Variants in NCKAP5 observed in about 807,000 individuals in gnomAD.
NCKAP5 encodes nck-associated protein 5.
Under a neutral mutation model 167.0 loss-of-function variants are expected in NCKAP5, and 92 were observed. The observed-to-expected ratio is 0.55, with a 90% CI of 0.47 to 0.66. The LOEUF (loss-of-function observed/expected upper bound fraction) is 0.66, where lower values mean the gene tolerates loss of function less well. NCKAP5 is among the 30% of genes least tolerant of loss of function. The pLI is 0.00. For synonymous variants in NCKAP5, 891 were observed against 877.4 expected (o/e 1.02, Z -0.27); for missense variants, 2,378 against 2,315.0 (o/e 1.03, Z -0.56).
rs1420100728 is a variant in NCKAP5, at chr2:132,672,106, GTC to G, written c.*1181_*1182del. ...TAGAATTTATCCTTACATATAAACA[GTC>G]TTTGTAGAAAAAAAAGGATATTAAA... On this transcript the variant is annotated 3_prime_UTR_variant, in exon 20 of 20. Transcript: ENST00000409261. 10 of 152,542 alleles carry G rather than the reference GTC, an allele frequency of 6.6e-5. No homozygotes were observed. Among genetic ancestry groups the G allele is most frequent in the Non-Finnish European group, 8.8e-5 (6 of 67,996 alleles). 9.4% of individuals were successfully genotyped at this position (152,542 alleles called of 1,614,324 possible).
At chr2:132,715,870 C>T (rs1297417592) in intron 19 of NCKAP5, among the ~76,000 whole-genome samples, 1 of 152,184 alleles carries the variant, frequency 6.6e-6, no homozygotes, top group East Asian at 1.9e-4. Context: ...TGCCTGCTGT[C>T]ATATTTTGGC....
intron 16 of NCKAP5, among the ~76,000 whole-genome samples, chr2:132,764,972 G>A (rs953276158): frequency 2.6e-5 from 4 of 152,118 alleles, no homozygotes; most frequent in Admixed American, 6.5e-5. Flanking sequence ...GATAATTATC[G>A]GGACTTTAAT....
rs570398559 is a variant in NCKAP5, at chr2:133,297,997, A to G, written c.143+5040T>C. On this transcript the variant is annotated intron_variant, in intron 4 of 19. Transcript: ENST00000409261. ...CTATTCCCATGATCCCCTGTATATC[A>G]CAGATTCTATTCTAACTTATGAACA... 4.6e-5 allele frequency among the ~76,000 whole-genome samples: 7 copies of G among 152,304 alleles called. No homozygotes were observed. In the South Asian group the frequency reaches 1.4e-3, roughly 32 times the overall value.
At chr2:133,389,057 C>T (rs189884922) in intron 3 of NCKAP5, among the ~76,000 whole-genome samples, 144 of 152,284 alleles carry the variant, frequency 9.5e-4, no homozygotes, top group Non-Finnish European at 3.2e-4. Context: ...ACCCACTGTC[C>T]GACAAGCCCC....
the NCKAP5 span, among the ~76,000 whole-genome samples, chr2:133,671,669 T>C: frequency 3.2e-3 from 481 of 152,220 alleles, 2 homozygotes; most frequent in African/African-American, 0.011. Flanking sequence ...CCAGACTCCA[T>C]AACTATAAGG....
At chr2:133,059,753 T>C (rs968832130) in intron 6 of NCKAP5, among the ~76,000 whole-genome samples, 2 of 152,026 alleles carry the variant, frequency 1.3e-5, no homozygotes, top group African/African-American at 4.8e-5. Context: ...GCACATTTAA[T>C]AGACTATAGT....
chr2:132,758,606 C>T (rs114689322), intron 16 of NCKAP5, among the ~76,000 whole-genome samples: 229 of 152,242 alleles, frequency 1.5e-3, no homozygotes, highest in Admixed American at 3.5e-3. Flanking sequence ...ACCTGATATG[C>T]TTCAGAATGA....
chr2:132,962,491 T>C (rs1334300705), intron 8 of NCKAP5, among the ~76,000 whole-genome samples: 1 of 152,172 alleles, frequency 6.6e-6, no homozygotes, highest in East Asian at 1.9e-4. Flanking sequence ...CCGAGGAAAT[T>C]AGTGTAAAAT....
intron 6 of NCKAP5, among the ~76,000 whole-genome samples, chr2:132,997,131 G>T (rs1256207781): frequency 2.0e-5 from 3 of 152,314 alleles, no homozygotes; most frequent in South Asian, 2.1e-4. Flanking sequence ...ATTGCAGTAG[G>T]CAGGATAAGA....
At chr2:133,107,324 T>C (rs2081741333) in intron 6 of NCKAP5, among the ~76,000 whole-genome samples, 1 of 152,204 alleles carries the variant, frequency 6.6e-6, no homozygotes, top group South Asian at 2.1e-4. Context: ...GTCTCTGCAC[T>C]CACAAATTTT....
intron 8 of NCKAP5, among the ~76,000 whole-genome samples, chr2:132,887,774 G>A (rs1283128692): frequency 2.0e-5 from 3 of 152,146 alleles, no homozygotes; most frequent in Non-Finnish European, 4.4e-5. Context: ...AGCCTCTTGA[G>A]TAGCTGAGAC....
At chr2:133,479,326 T>C (rs1231742807) in intron 3 of NCKAP5, among the ~76,000 whole-genome samples, 2 of 152,218 alleles carry the variant, frequency 1.3e-5, no homozygotes, top group African/African-American at 4.8e-5. Context: ...ATTTATAAGG[T>C]GATTACTGTT....
intron 11 of NCKAP5, among the ~76,000 whole-genome samples, chr2:132,840,977 A>G (rs1688259087): frequency 6.6e-6 from 1 of 152,184 alleles, no homozygotes; most frequent in African/African-American, 2.4e-5. Flanking sequence ...ATAATCTTTC[A>G]AATAATCCAT....
intron 1 of NCKAP5, among the ~76,000 whole-genome samples, chr2:133,566,590 G>C (rs1335131650): frequency 3.3e-5 from 5 of 152,176 alleles, no homozygotes; most frequent in Non-Finnish European, 5.9e-5. Flanking sequence ...CTACAAGAAG[G>C]CATAGGAACC....
intron 7 of NCKAP5, among the ~76,000 whole-genome samples, chr2:132,982,681 A>G (rs2077177110): frequency 6.6e-6 from 1 of 152,074 alleles, no homozygotes. Context: ...CCCCTATGGG[A>G]GTCCCCAGTA....
chr2:133,005,755 CA>C (rs2077944828), intron 6 of NCKAP5, among the ~76,000 whole-genome samples: 1 of 152,116 alleles, frequency 6.6e-6, no homozygotes, highest in Non-Finnish European at 1.5e-5. Flanking sequence ...TATTGGCCCC[CA>C]TATTTATCTT....
At chr2:132,749,632 T>A (rs1481347205) in intron 16 of NCKAP5, among the ~76,000 whole-genome samples, 1 of 152,204 alleles carries the variant, frequency 6.6e-6, no homozygotes, top group Admixed American at 6.5e-5. Context: ...ATTCACTCTC[T>A]GTAACAGACC....
At chr2:133,355,802 A>G (rs1200759690) in intron 3 of NCKAP5, among the ~76,000 whole-genome samples, 1 of 152,066 alleles carries the variant, frequency 6.6e-6, no homozygotes, top group Non-Finnish European at 1.5e-5. Flanking sequence ...GTGGAGTATA[A>G]TCACCTCACA....
intron 3 of NCKAP5, among the ~76,000 whole-genome samples, chr2:133,350,299 G>A (rs1450637126): frequency 6.6e-6 from 1 of 152,164 alleles, no homozygotes; most frequent in South Asian, 2.1e-4. Flanking sequence ...TGTAATCCTA[G>A]TTACTCAGGA....
Sources: gnomAD v4.1 joint callset for allele counts (sites outside exome capture counted in the v4.1 genomes callset) on GRCh38, gnomAD v4.1.1 for gene constraint, MANE v1.5 for transcripts, NCBI Gene and HGNC (gene_info 2026-07-23, HGNC 2026-07-21) for gene names.